Variants in TBC1D22A observed in about 807,000 individuals in gnomAD.
TBC1D22A encodes the protein TBC1 domain family member 22A.
In TBC1D22A, 38 loss-of-function variants were observed where a neutral mutation model predicts 60.2. The observed-to-expected ratio is 0.63, with a 90% CI of 0.49 to 0.83. The LOEUF is 0.83. Among genes scored for constraint, TBC1D22A ranks in the 40% least tolerant of loss-of-function variants. The pLI, the probability that TBC1D22A is intolerant of heterozygous loss-of-function variation, is 0.00. For synonymous variants in TBC1D22A, 302 were observed against 281.7 expected (o/e 1.07, Z -0.72); for missense variants, 628 against 701.0 (o/e 0.90, Z 1.18).
chr22:47,139,911 T>A (rs1483032032), intron 12 of TBC1D22A, among the ~76,000 whole-genome samples: 2 of 152,278 alleles, frequency 1.3e-5, no homozygotes, highest in Non-Finnish European at 2.9e-5. Context: ...ATCATGTGAC[T>A]GCTCCTATTA....
At chr22:46,879,997 G>A (rs2067771631) in intron 5 of TBC1D22A, among the ~76,000 whole-genome samples, 1 of 152,236 alleles carries the variant, frequency 6.6e-6, no homozygotes, top group Non-Finnish European at 1.5e-5. Flanking sequence ...GGACAGGAGG[G>A]CAGGTGGGTG....
At chr22:47,045,846 G>A (rs1480397637) in intron 11 of TBC1D22A, among the ~76,000 whole-genome samples, 1 of 152,148 alleles carries the variant, frequency 6.6e-6, no homozygotes, top group South Asian at 2.1e-4. Flanking sequence ...CTTGGTTTTG[G>A]TCCCAGAGTC....
intron 1 of TBC1D22A, among the ~76,000 whole-genome samples, chr22:46,768,484 C>CAAAAAAAAAAAAAAAAAAAAAAAAAAA (rs3083471): frequency 1.2e-5 from 1 of 80,366 alleles, no homozygotes; most frequent in Non-Finnish European, 2.3e-5. Context: ...GACTCTGTCT[C>CAAAAAAAAAAAAAAAAAAAAAAAAAAA]AAAAAAAAAA....
intron 10 of TBC1D22A, among the ~76,000 whole-genome samples, chr22:47,032,980 G>A (rs574630722): frequency 6.6e-4 from 101 of 152,360 alleles, no homozygotes; most frequent in African/African-American, 2.4e-3. Context: ...TTTCCTCTGG[G>A]GCTGTCGCTG....
chr22:46,904,613 C>T (rs917397426), intron 7 of TBC1D22A, among the ~76,000 whole-genome samples: 3 of 151,692 alleles, frequency 2.0e-5, no homozygotes, highest in African/African-American at 4.9e-5. Context: ...GGATTACAGG[C>T]GCCCGCCACC....
chr22:46,925,801 C>G (rs1035420014), intron 8 of TBC1D22A, among the ~76,000 whole-genome samples: 1 of 152,072 alleles, frequency 6.6e-6, no homozygotes, highest in African/African-American at 2.4e-5. Flanking sequence ...ATAAACAACA[C>G]AGAAAACCAA....
At chr22:47,126,107 G>C (rs570221021) in intron 12 of TBC1D22A, among the ~76,000 whole-genome samples, 1 of 152,102 alleles carries the variant, frequency 6.6e-6, no homozygotes, top group East Asian at 1.9e-4. Context: ...TCAGCCTCCC[G>C]AGTAGCTGGG....
chr22:47,114,518 G>A (rs1238781915), intron 12 of TBC1D22A, among the ~76,000 whole-genome samples: 1 of 152,074 alleles, frequency 6.6e-6, no homozygotes, highest in African/African-American at 2.4e-5. Flanking sequence ...GGGAAAGGAG[G>A]TGAGAAACAG....
At chr22:47,128,356 A>G (rs1339269099) in intron 12 of TBC1D22A, among the ~76,000 whole-genome samples, 2 of 78,758 alleles carry the variant, frequency 2.5e-5, no homozygotes, top group African/African-American at 1.1e-4. Context: ...CTCCTCACCT[A>G]TTTCAGCAGG....
intron 11 of TBC1D22A, among the ~76,000 whole-genome samples, chr22:47,050,917 G>A (rs182080332): frequency 2.0e-5 from 3 of 152,300 alleles, no homozygotes; most frequent in Admixed American, 2.0e-4. Context: ...TCTGGATGAG[G>A]AGGGCGGCCA....
At chr22:46,766,102 A>G (rs1601771054) in intron 1 of TBC1D22A, among the ~76,000 whole-genome samples, 1 of 150,380 alleles carries the variant, frequency 6.6e-6, no homozygotes, top group African/African-American at 2.5e-5. Context: ...GGTTCACGCC[A>G]TTTTCCTGCC....
chr22:47,017,483 G>A (rs982711512), intron 10 of TBC1D22A, among the ~76,000 whole-genome samples: 2 of 152,126 alleles, frequency 1.3e-5, no homozygotes, highest in African/African-American at 2.4e-5. Flanking sequence ...TGGGGTTGGC[G>A]GCAGAATGCT....
intron 1 of TBC1D22A, among the ~76,000 whole-genome samples, chr22:46,771,697 T>C (rs5769144): frequency 0.67 from 101,002 of 151,382 alleles, 33,717 homozygotes; most frequent in Middle Eastern, 0.79. Flanking sequence ...CGGGTTCAGG[T>C]GATTCTCCTG....
intron 11 of TBC1D22A, among the ~76,000 whole-genome samples, chr22:47,092,337 A>C (rs991618750): frequency 4.6e-5 from 7 of 152,044 alleles, no homozygotes; most frequent in Admixed American, 6.5e-5. Context: ...AGCAGCCCAG[A>C]GTGTCTCAGT....
chr22:46,975,338 A>G (rs549971763), intron 9 of TBC1D22A, among the ~76,000 whole-genome samples: 9 of 152,296 alleles, frequency 5.9e-5, no homozygotes, highest in African/African-American at 1.9e-4. Context: ...GGTGGGAAGA[A>G]GTAGATTACA....
chr22:46,958,470 C>T (rs2073329204), intron 8 of TBC1D22A, among the ~76,000 whole-genome samples: 1 of 152,188 alleles, frequency 6.6e-6, no homozygotes, highest in Non-Finnish European at 1.5e-5. Context: ...GAGGCCGCCA[C>T]CTTGTCCACC....
chr22:47,089,136 A>T (rs934238494), intron 11 of TBC1D22A, among the ~76,000 whole-genome samples: 1 of 152,200 alleles, frequency 6.6e-6, no homozygotes, highest in African/African-American at 2.4e-5. Context: ...TGCATTGTGT[A>T]TGTGTCATTT....
intron 12 of TBC1D22A, among the ~76,000 whole-genome samples, chr22:47,167,933 T>A (rs554963628): frequency 1.3e-5 from 2 of 152,332 alleles, no homozygotes; most frequent in South Asian, 4.1e-4. Flanking sequence ...CCCATCCCTG[T>A]CTGTCTAGGA....
chr22:47,124,734 G>A (rs1290201281), intron 12 of TBC1D22A, among the ~76,000 whole-genome samples: 1 of 152,150 alleles, frequency 6.6e-6, no homozygotes. Flanking sequence ...TATCCTGGAG[G>A]AGCGTTGGGC....
Sources: gnomAD v4.1 joint callset for allele counts (sites outside exome capture counted in the v4.1 genomes callset) on GRCh38, gnomAD v4.1.1 for gene constraint, MANE v1.5 for transcripts, NCBI Gene and HGNC (gene_info 2026-07-23, HGNC 2026-07-21) for gene names.